CACNA1E: variants seen among roughly 807,000 people sequenced by gnomAD.
CACNA1E encodes calcium voltage-gated channel subunit alpha1 E, also known as voltage-dependent R-type calcium channel subunit alpha-1E.
Under a neutral mutation model 259.2 loss-of-function variants are expected in CACNA1E, and 40 were observed. The observed-to-expected ratio is 0.15, with a 90% CI of 0.12 to 0.20. The LOEUF is 0.20. Ranked by LOEUF, CACNA1E falls within the 10% of genes least tolerant of loss-of-function variation. The pLI is 1.00. For missense variants in CACNA1E, 1,874 were observed against 3,040.1 expected (o/e 0.62, Z 9.02); for synonymous variants, 1,104 against 1,138.5 (o/e 0.97, Z 0.61).
intron 29 of CACNA1E, 75 bp downstream of exon 29, chr1:181,756,168 T>G: frequency 1.4e-6 from 2 of 1,417,676 alleles, no homozygotes; most frequent in South Asian, 2.7e-5. Context: ...TGACTCAAGA[T>G]GAACAAGGCT....
chr1:181,656,006 A>G (rs1659176181), intron 7 of CACNA1E, among the ~76,000 whole-genome samples: 1 of 152,138 alleles, frequency 6.6e-6, no homozygotes, highest in African/African-American at 2.4e-5. Context: ...GCAATGCATT[A>G]CTCACATGGT....
At chr1:181,422,359 T>C (rs1294726919) in intron 2 of CACNA1E, among the ~76,000 whole-genome samples, 1 of 152,206 alleles carries the variant, frequency 6.6e-6, no homozygotes, top group African/African-American at 2.4e-5. Context: ...TCCGTAACAG[T>C]GGCTATGGTT....
At chr1:181,385,918 C>T (rs1400329746) in intron 1 of CACNA1E, among the ~76,000 whole-genome samples, 3 of 151,266 alleles carry the variant, frequency 2.0e-5, no homozygotes, top group Non-Finnish European at 4.4e-5. Context: ...ACTCTTATTC[C>T]TCATAATTTT....
At position 181,442,100 on chromosome 1, in the gene CACNA1E, C is replaced by T. The variant is rs543498120; in HGVS notation, c.434+28520C>T. ...GCTGCAAAAAGTAGCAGCTCTGCTTCCCATCTCACTTGGGGCATGGGGAGA... is the reference window on the plus strand; with the variant it reads ...GCTGCAAAAAGTAGCAGCTCTGCTTTCCATCTCACTTGGGGCATGGGGAGA... On this transcript the variant is annotated intron_variant, in intron 2 of 11. Transcript: ENST00000524607. Among the ~76,000 whole-genome samples the T allele has an allele frequency of 2.6e-5, 4 of 152,120 alleles. No individual in the cohort carries two copies. In the East Asian group the frequency reaches 5.8e-4, roughly 22 times the overall value.
chr1:181,378,140 G>T (rs1405563814), intron 1 of CACNA1E, among the ~76,000 whole-genome samples: 2 of 152,198 alleles, frequency 1.3e-5, no homozygotes, highest in Non-Finnish European at 2.9e-5. Context: ...TTACAATTTG[G>T]AAGCTTGGGC....
Position 181,796,531 on chromosome 1 carries a change from T to TG in CACNA1E, c.6209-129dup, listed in dbSNP as rs199749592. The TG allele has an allele frequency of 6.8e-3, 3,872 of 571,800 alleles. 18 individuals are homozygous for TG. Among genetic ancestry groups the TG allele is most frequent in the East Asian group, 0.014 (469 of 33,054 alleles). The allele number at this position is 571,800 out of a possible 1,614,324, so 35.4% of individuals were successfully genotyped here. On this transcript the variant is annotated intron_variant, in intron 46 of 47. Transcript: ENST00000367573. ...CAAATTAGGCCTCAACATTTGAATTTGGGGGGGGACACAAACATGTGGTTC... is the reference window on the plus strand; with the variant it reads ...CAAATTAGGCCTCAACATTTGAATTTGGGGGGGGGACACAAACATGTGGTTC...
intron 7 of CACNA1E, among the ~76,000 whole-genome samples, chr1:181,673,704 A>G (rs1649054325): frequency 6.6e-6 from 1 of 152,108 alleles, no homozygotes; most frequent in Non-Finnish European, 1.5e-5. Flanking sequence ...TCCTGTCCCA[A>G]CCCACATGGC....
At chr1:181,714,440 C>A (rs1393229964) in intron 8 of CACNA1E, among the ~76,000 whole-genome samples, 1 of 152,142 alleles carries the variant, frequency 6.6e-6, no homozygotes, top group Non-Finnish European at 1.5e-5. Context: ...ACATGCTGAA[C>A]CCCAACATTT....
intron 7 of CACNA1E, among the ~76,000 whole-genome samples, chr1:181,676,383 A>G (rs1028007832): frequency 4.6e-5 from 7 of 152,128 alleles, no homozygotes; most frequent in African/African-American, 1.4e-4. Context: ...ATATGTTTCC[A>G]TAATATAATC....
chr1:181,771,940 A>G (rs773221730), intron 36 of CACNA1E, 126 bp from the exon 37 acceptor site: 15 of 811,822 alleles, frequency 1.8e-5, no homozygotes, highest in African/African-American at 6.9e-5. Flanking sequence ...GAAGGGGTCA[A>G]CTGGGTAAAA....
chr1:181,421,791 A>G (rs1464572748), intron 2 of CACNA1E, among the ~76,000 whole-genome samples: 1 of 152,062 alleles, frequency 6.6e-6, no homozygotes, highest in African/African-American at 2.4e-5. Context: ...ACTGCTACCA[A>G]TCTCTTCCAA....
At chr1:181,591,665 T>C (rs1652656369) in intron 6 of CACNA1E, among the ~76,000 whole-genome samples, 1 of 152,172 alleles carries the variant, frequency 6.6e-6, no homozygotes, top group African/African-American at 2.4e-5. Flanking sequence ...AAAAAAGTGA[T>C]TTCTGATGCC....
At position 181,778,194 on chromosome 1, in the gene CACNA1E, A is replaced by AC. The variant is rs370714563; in HGVS notation, c.5267+1967dup. On this transcript the variant is annotated intron_variant, in intron 38 of 47. Transcript: ENST00000367573. Reference sequence around the variant, plus strand: ...TTTATAAGGTGGGTGAGGAAGACTAACAAAAGTAATGTGAGCCAGTGTCTT... The same window carrying AC: ...TTTATAAGGTGGGTGAGGAAGACTAACCAAAAGTAATGTGAGCCAGTGTCTT... Among the ~76,000 whole-genome samples the AC allele has an allele frequency of 3.2e-3, 484 of 152,310 alleles. 4 individuals are homozygous for AC. The highest frequency in any genetic ancestry group is 0.011 in the African/African-American group (476 of 41,556).
chr1:181,721,450 C>T (rs1654402511), intron 15 of CACNA1E, among the ~76,000 whole-genome samples: 1 of 152,084 alleles, frequency 6.6e-6, no homozygotes, highest in Admixed American at 6.5e-5. Flanking sequence ...ATGACCAGAC[C>T]ACCTGATCTG....
At chr1:181,576,384 C>T (rs944132270) in intron 3 of CACNA1E, among the ~76,000 whole-genome samples, 1 of 152,212 alleles carries the variant, frequency 6.6e-6, no homozygotes, top group African/African-American at 2.4e-5. Flanking sequence ...TGGCTGTTGG[C>T]AGCACTAATT....
intron 1 of CACNA1E, 26 bp downstream of exon 1, chr1:181,484,036 C>T (rs779533668): frequency 1.9e-6 from 3 of 1,602,442 alleles, no homozygotes; most frequent in East Asian, 2.2e-5. Context: ...CACCATAACT[C>T]CCTCTCCCCC....
intron 1 of CACNA1E, among the ~76,000 whole-genome samples, chr1:181,350,387 G>T (rs534604336): frequency 6.6e-6 from 1 of 152,162 alleles, no homozygotes; most frequent in African/African-American, 2.4e-5. Flanking sequence ...ATCAAGTGGA[G>T]CCCTGCTCCT....
chr1:181,614,023 T>C (rs904733815), intron 6 of CACNA1E, among the ~76,000 whole-genome samples: 14 of 152,228 alleles, frequency 9.2e-5, no homozygotes, highest in African/African-American at 3.4e-4. Context: ...TTTTCCTTTG[T>C]CATATAATGA....
chr1:181,640,384 G>A (rs1657637468), intron 6 of CACNA1E, among the ~76,000 whole-genome samples: 1 of 152,292 alleles, frequency 6.6e-6, no homozygotes, highest in African/African-American at 2.4e-5. Flanking sequence ...GGGTTCTGGA[G>A]ATACAAAGAC....
Sources: gnomAD v4.1 joint callset for allele counts (sites outside exome capture counted in the v4.1 genomes callset) on GRCh38, gnomAD v4.1.1 for gene constraint, MANE v1.5 for transcripts, NCBI Gene and HGNC (gene_info 2026-07-23, HGNC 2026-07-21) for gene names.